Variants in RNF103 observed in about 807,000 individuals in gnomAD.
RNF103 encodes E3 ubiquitin-protein ligase RNF103.
RNF103 carries 23 observed loss-of-function variants against 66.2 expected under a neutral mutation model. That is an observed-to-expected ratio of 0.35 (90% CI 0.25 to 0.49). RNF103 has a LOEUF of 0.49. Ranked by LOEUF, RNF103 falls within the 20% of genes least tolerant of loss-of-function variation. RNF103 has a pLI of 0.98. For synonymous variants in RNF103, 297 were observed against 289.9 expected (o/e 1.02, Z -0.25); for missense variants, 730 against 814.7 (o/e 0.90, Z 1.27).
rs764506626 is a variant in RNF103, at chr2:86,605,363, T to A, written c.538A>T (p.Thr180Ser). The A allele has an allele frequency of 1.1e-5, 17 of 1,614,052 alleles. No homozygotes were observed. The highest frequency in any genetic ancestry group is 1.4e-5 in the Non-Finnish European group (17 of 1,180,012). The change falls in exon 4 of 4, where the codon ACA (threonine) becomes TCA (serine). Residue 180 changes from threonine to serine, a missense_variant. Coordinates refer to ENST00000237455, the MANE Select transcript of RNF103 (RefSeq NM_005667.4). ...RSTLIMSVPQ[T>S]STSKGKVMLK... Reference sequence around the variant, plus strand: ...ATGACTTTCCCTTTTGAAGTACTTGTTTGTGGAACAGACATAATGAGTGTG... The same window carrying A: ...ATGACTTTCCCTTTTGAAGTACTTGATTGTGGAACAGACATAATGAGTGTG...
rs746593176 is a variant in RNF103, at chr2:86,605,025, A to G, written c.876T>C (p.Thr292=). Residue 292 remains threonine (T), a synonymous_variant, in exon 4 of 4, where the codon ACT becomes ACC. Coordinates refer to ENST00000237455, the MANE Select transcript of RNF103 (RefSeq NM_005667.4). ...IYNMPSYILR[T]PEGIYRYGNH... is the part of the protein sequence containing the mutation. ...TTCCATACCTGTAAATTCCTTCAGG[A>G]GTTCTAAGTATGTATGATGGCATAT... The G allele has an allele frequency of 1.2e-6, 2 of 1,614,096 alleles. No individual in the cohort carries two copies. The highest frequency in any genetic ancestry group is 1.7e-6 in the Non-Finnish European group (2 of 1,180,012).
rs1456217655 is a variant in RNF103, at chr2:86,620,408, A to C, written c.288T>G (p.Val96=). The C allele has an allele frequency of 6.2e-7, 1 of 1,606,302 alleles. No individual in the cohort carries two copies. The highest frequency in any genetic ancestry group is 1.1e-5 in the South Asian group (1 of 90,380). The stretch of plus-strand genomic sequence containing the variant: ...TTTCACCACTGAAATTGGTACTAGA[A>C]ACCGATTCGGATGCTTCTTCTTCCT... ...ALKEEEASES[V]SSTNFSGEMH... is the part of the protein sequence containing the mutation. Residue 96 remains valine (V), a synonymous_variant, in exon 2 of 4, where the codon GTT becomes GTG. Transcript: ENST00000237455.
intron 2 of RNF103, among the ~76,000 whole-genome samples, chr2:86,615,505 A>T (rs749120167): frequency 1.6e-4 from 23 of 141,212 alleles, no homozygotes; most frequent in Non-Finnish European, 3.2e-4. Context: ...CCTAATATAT[A>T]TATATACATA....
intron 1 of RNF103, 78 bp from the exon 2 acceptor site, chr2:86,620,547 ACT>A: frequency 7.1e-7 from 1 of 1,410,924 alleles, no homozygotes; most frequent in Non-Finnish European, 9.4e-7. Context: ...TATTTTTTAC[ACT>A]GTTAAGAATC....
rs1262430611 is a variant in RNF103, at chr2:86,616,752, G to GT, written c.366+3577dup. The stretch of plus-strand genomic sequence containing the variant: ...CCAGTGACTTTAAATTCCATATGAT[G>GT]TAACACAGCCAGTAGGGAACAAATA... On this transcript the variant is annotated intron_variant, in intron 2 of 3. Coordinates refer to ENST00000237455, the MANE Select transcript of RNF103 (RefSeq NM_005667.4). 5 of 985,222 alleles carry GT rather than the reference G, an allele frequency of 5.1e-6. No homozygotes were observed. The Middle Eastern group carries it at 2.1e-3, about 407-fold the overall frequency. 61.0% of individuals were successfully genotyped at this position (985,222 alleles called of 1,614,324 possible). A position where few individuals can be genotyped will look rare whatever the true frequency, so the allele number is the denominator to read the frequency against.
rs1295579798 is a variant in RNF103 at position 86,623,797 on chromosome 2, C to A, written c.-911G>T. The stretch of plus-strand genomic sequence containing the variant: ...CCCGTCCCCAACACCCCCGCCACCT[C>A]CGGAGACCGCGGCCGTACCCTCCAC... On this transcript the variant is annotated 5_prime_UTR_variant, in exon 1 of 4. Coordinates refer to ENST00000237455, the MANE Select transcript of RNF103 (RefSeq NM_005667.4). 4 of 1,282,880 alleles carry A rather than the reference C, an allele frequency of 3.1e-6. No homozygotes were observed. Among genetic ancestry groups the A allele is most frequent in the Non-Finnish European group, 4.1e-6 (4 of 986,488 alleles). 79.5% of individuals were successfully genotyped at this position (1,282,880 alleles called of 1,614,324 possible). A position where few individuals can be genotyped will look rare whatever the true frequency, so the allele number is the denominator to read the frequency against.
At position 86,623,276 on chromosome 2, in the gene RNF103, G is replaced by C. The variant is rs2104273508; in HGVS notation, c.-390C>G. 1 of 996,832 alleles carries C rather than the reference G, an allele frequency of 1.0e-6. No homozygotes were observed. The highest frequency in any genetic ancestry group is 1.2e-6 in the Non-Finnish European group (1 of 838,560). 61.7% of individuals were successfully genotyped at this position (996,832 alleles called of 1,614,324 possible). Reference sequence around the variant, plus strand: ...ACCCAGGTGGCGGGGTCGGCCCTCCGGTGCCGCGATCTCAAGGGGGAGGGG... The same window carrying C: ...ACCCAGGTGGCGGGGTCGGCCCTCCCGTGCCGCGATCTCAAGGGGGAGGGG... On this transcript the variant is annotated 5_prime_UTR_variant, in exon 1 of 4. Transcript: ENST00000237455.
intron 2 of RNF103, chr2:86,617,076 A>G: frequency 4.1e-6 from 4 of 985,378 alleles, no homozygotes; most frequent in Non-Finnish European, 4.8e-6. Context: ...TAGAAAAAAG[A>G]GCACTTGGTT....
intron 3 of RNF103, among the ~76,000 whole-genome samples, chr2:86,611,611 G>A (rs1046600865): frequency 1.3e-5 from 2 of 152,066 alleles, no homozygotes; most frequent in African/African-American, 4.8e-5. Context: ...GAGAAAATGG[G>A]GGGGAAAACC....
At chr2:86,620,303 T>C in intron 2 of RNF103, 27 bp downstream of exon 2, 1 of 1,565,052 alleles carries the variant, frequency 6.4e-7, no homozygotes, top group Non-Finnish European at 8.7e-7. Context: ...GGCTCTCGAA[T>C]TATCAAATTA....
chr2:86,605,191 A>C lies in RNF103; in HGVS notation c.710T>G (p.Ile237Arg). ...WNKSDQYWLK[I>R]YLFANLDQPP... ...CTGGTCAAGGTTTGCAAATAGGTAT[A>C]TTTTTAACCAATACTGATCACTTTT... The change falls in exon 4 of 4, where the codon ATA becomes AGA. Residue 237 changes from isoleucine to arginine, a missense_variant. Physicochemically the swap from Ile to Arg is moderately conservative, Grantham distance 97. Coordinates refer to ENST00000237455, the MANE Select transcript of RNF103 (RefSeq NM_005667.4). The C allele has an allele frequency of 6.2e-7, 1 of 1,613,902 alleles. No individual in the cohort carries two copies. The highest frequency in any genetic ancestry group is 8.5e-7 in the Non-Finnish European group (1 of 1,180,034).
chr2:86,604,298 T>C lies in RNF103; in HGVS notation c.1603A>G (p.Thr535Ala). Residue 535 changes from threonine to alanine, a missense_variant, in exon 4 of 4, where the codon ACT becomes GCT. Physicochemically the swap from Thr to Ala is moderately conservative, Grantham distance 58 (BLOSUM62 0). Coordinates refer to ENST00000237455, the MANE Select transcript of RNF103 (RefSeq NM_005667.4). ...TTCTCACTTTCCGAGTCATTTTCAG[T>C]ATCTTGAGACCCCTCCGACATTTCC... ...EEEMSEGSQD[T>A]ENDSESENTD... 1.2e-6 allele frequency: 2 copies of C among 1,614,250 alleles called. No homozygotes were observed. The highest frequency in any genetic ancestry group is 1.7e-6 in the Non-Finnish European group (2 of 1,180,048).
In RNF103 at chr2:86,603,629, C is replaced by T; in HGVS notation, c.*214G>A. On this transcript the variant is annotated 3_prime_UTR_variant, in exon 4 of 4. Coordinates refer to ENST00000237455, the MANE Select transcript of RNF103 (RefSeq NM_005667.4). ...AAAAAAACATTAACTTCTGAATTTC[C>T]AATGTTGTAAATAAAAAAATTTTAC... The T allele has an allele frequency of 8.9e-6, 5 of 562,714 alleles. No homozygotes were observed. The highest frequency in any genetic ancestry group is 6.8e-5 in the South Asian group (2 of 29,476). The allele number at this position is 562,714 out of a possible 1,614,324, so 34.9% of individuals were successfully genotyped here.
In RNF103 at chr2:86,604,848, C is replaced by T. The variant is rs1678485621; in HGVS notation, c.1053G>A (p.Lys351=). 2.5e-6 allele frequency: 4 copies of T among 1,614,068 alleles called. No homozygotes were observed. In the East Asian group the frequency reaches 8.9e-5, roughly 36 times the overall value. Residue 351 remains lysine (K), a synonymous_variant, in exon 4 of 4, where the codon AAG becomes AAA. Transcript: ENST00000237455. ...DLFITQGATI[K]RFVVLISTLG... ...AAGTGCTTATGAGAACCACAAATCG[C>T]TTTATGGTAGCTCCTTGTGTAATAA...
At chr2:86,610,539 C>A (rs1440157404) in intron 3 of RNF103, among the ~76,000 whole-genome samples, 1 of 151,990 alleles carries the variant, frequency 6.6e-6, no homozygotes, top group African/African-American at 2.4e-5. Flanking sequence ...TTTTTGAATT[C>A]TTTATTATCT....
At chr2:86,617,066 T>C in intron 2 of RNF103, 2 of 985,406 alleles carry the variant, frequency 2.0e-6, no homozygotes, top group Non-Finnish European at 2.4e-6. Flanking sequence ...AGGAATAACT[T>C]AGAAAAAAGA....
intron 2 of RNF103, chr2:86,614,460 G>A (rs113142077): frequency 0.053 from 8,035 of 152,212 alleles, 403 homozygotes; most frequent in African/African-American, 0.13. Context: ...AAAATTTGCC[G>A]GGCGTGGTGG....
rs1263642216 is a variant in RNF103 at position 86,622,749 on chromosome 2, C to G, written c.138G>C (p.Lys46Asn). Residue 46 changes from lysine to asparagine, a missense_variant, in exon 1 of 4, where the codon AAG (lysine) becomes AAC (asparagine). Coordinates refer to ENST00000237455, the MANE Select transcript of RNF103 (RefSeq NM_005667.4). ...QLVDPVALSF[K>N]KLKTILECRG... ...GGCACTCCAAAATGGTCTTCAGCTT[C>G]TTGAAGCTCAGCGCCACCGGATCCA... The G allele has an allele frequency of 1.9e-6, 3 of 1,614,186 alleles. No individual in the cohort carries two copies. The highest frequency in any genetic ancestry group is 2.5e-6 in the Non-Finnish European group (3 of 1,180,022).
chr2:86,622,987 C>T lies in RNF103; in HGVS notation c.-101G>A. On this transcript the variant is annotated 5_prime_UTR_variant, in exon 1 of 4. Transcript: ENST00000237455. ...TCGGTGGCAGCTTGGGCGAGGGCCC[C>T]GTGTCCACGCGCGGGCCACCCGGCG... 1 of 1,412,348 alleles carries T rather than the reference C, an allele frequency of 7.1e-7. No homozygotes were observed. Among genetic ancestry groups the T allele is most frequent in the Non-Finnish European group, 9.2e-7 (1 of 1,086,376 alleles). 87.5% of individuals were successfully genotyped at this position (1,412,348 alleles called of 1,614,324 possible).
Sources: allele counts gnomAD v4.1 joint callset (sites outside exome capture counted in the v4.1 genomes callset), GRCh38; gene constraint gnomAD v4.1.1; transcripts MANE v1.5; gene names NCBI Gene and HGNC (gene_info 2026-07-23, HGNC 2026-07-21).